Variants in PTPRQ observed in about 807,000 individuals in gnomAD.
The protein encoded by PTPRQ is protein tyrosine phosphatase receptor type Q.
PTPRQ carries 199 observed loss-of-function variants against 246.0 expected under a neutral mutation model. The ratio of observed to expected loss-of-function variants is 0.81; its 90% CI spans 0.72 to 0.91. The LOEUF (loss-of-function observed/expected upper bound fraction) is 0.91, where lower values mean the gene tolerates loss of function less well. Among genes scored for constraint, PTPRQ ranks in the 40% least tolerant of loss-of-function variants. The pLI is 0.00. For synonymous variants in PTPRQ, 869 were observed against 853.2 expected (o/e 1.02, Z -0.32); for missense variants, 2,624 against 2,528.4 (o/e 1.04, Z -0.81).
chr12:80,613,607 C>G lies in PTPRQ; in HGVS notation c.4934C>G (p.Pro1645Arg). The G allele has an allele frequency of 6.5e-7, 1 of 1,539,848 alleles. No individual in the cohort carries two copies. The highest frequency in any genetic ancestry group is 8.8e-7 in the Non-Finnish European group (1 of 1,140,488). Residue 1645 changes from proline (P) to arginine (R), a missense_variant, in exon 29 of 45, where the codon CCT becomes CGT. Physicochemically the swap from Pro to Arg is moderately radical, Grantham distance 103 (BLOSUM62 -2). Transcript: ENST00000644991. ...TTTATTTTAGCCCCAAAGGACCCACCTAACAACATGACATTTCAGAAGATA... is the reference window on the plus strand; with the variant it reads ...TTTATTTTAGCCCCAAAGGACCCACGTAACAACATGACATTTCAGAAGATA... Reference protein sequence around the residue: ...TTLESAPKDPPNNMTFQKIPD... With the variant: ...TTLESAPKDPRNNMTFQKIPD...
At chr12:80,505,355 CAG>C (rs1214676688) in intron 14 of PTPRQ, among the ~76,000 whole-genome samples, 1 of 151,852 alleles carries the variant, frequency 6.6e-6, no homozygotes, top group Non-Finnish European at 1.5e-5. Flanking sequence ...TAATGTTATA[CAG>C]AGTTTTAGTT....
intron 35 of PTPRQ, among the ~76,000 whole-genome samples, chr12:80,635,832 A>G (rs1381300950): frequency 2.0e-5 from 3 of 152,172 alleles, no homozygotes; most frequent in Non-Finnish European, 4.4e-5. Context: ...ATTCAATAAC[A>G]TGTAATGCTT....
At chr12:80,629,152 G>GCACACACA (rs35680769) in intron 33 of PTPRQ, among the ~76,000 whole-genome samples, 5 of 146,104 alleles carry the variant, frequency 3.4e-5, no homozygotes, top group Non-Finnish European at 6.1e-5. Flanking sequence ...GGAGTGAGTG[G>GCACACACA]CACACACACA....
intron 6 of PTPRQ, among the ~76,000 whole-genome samples, chr12:80,463,199 C>T (rs1471909052): frequency 6.6e-6 from 1 of 152,118 alleles, no homozygotes; most frequent in Non-Finnish European, 1.5e-5. Context: ...AAAGCCAAGG[C>T]ACGAGAACTA....
intron 6 of PTPRQ, among the ~76,000 whole-genome samples, chr12:80,464,096 C>A (rs1003974660): frequency 6.6e-6 from 1 of 151,626 alleles, no homozygotes; most frequent in Non-Finnish European, 1.5e-5. Flanking sequence ...GAGTCAAGAC[C>A]CATCAGTGTG....
intron 3 of PTPRQ, among the ~76,000 whole-genome samples, chr12:80,449,643 C>T (rs1402578411): frequency 2.6e-5 from 4 of 151,838 alleles, no homozygotes; most frequent in African/African-American, 9.7e-5. Context: ...ATCCCTTCCC[C>T]ATTGCTTGTT....
chr12:80,652,771 T>C lies in PTPRQ; in HGVS notation c.6052T>C (p.Ser2018Pro), dbSNP rs536004172. The change falls in exon 38 of 45, where the codon TCT becomes CCT. Residue 2018 changes from serine (S) to proline (P), a missense_variant. Coordinates refer to ENST00000644991, the MANE Select transcript of PTPRQ (RefSeq NM_001145026.2). ...SELPKFLQDLSSTDADLPWNR... is the reference protein window; with the variant it reads ...SELPKFLQDLPSTDADLPWNR... ...ATTACCAAAATTTCTTCAGGATCTT[T>C]CTTCAACTGATGCTGATCTGCCTTG... is the stretch of plus-strand genomic sequence containing the variant. 1.1e-5 allele frequency: 17 copies of C among 1,507,942 alleles called. No homozygotes were observed. The African/African-American group carries it at 1.8e-4, about 16-fold the overall frequency. 93.4% of individuals were successfully genotyped at this position (1,507,942 alleles called of 1,614,324 possible). A position where few individuals can be genotyped will look rare whatever the true frequency, so the allele number is the denominator to read the frequency against.
intron 8 of PTPRQ, among the ~76,000 whole-genome samples, chr12:80,481,472 G>C (rs11519745): frequency 0.18 from 26,738 of 152,044 alleles, 2,536 homozygotes; most frequent in Middle Eastern, 0.24. Flanking sequence ...CACAAGACAG[G>C]GATGCCCCCT....
chr12:80,652,685 A>G (rs1900294411), intron 37 of PTPRQ, 59 bp from the exon 38 acceptor site: 1 of 1,423,514 alleles, frequency 7.0e-7, no homozygotes, highest in Non-Finnish European at 9.2e-7. Context: ...TCTTTTAATA[A>G]GTGAAATTTC....
intron 33 of PTPRQ, among the ~76,000 whole-genome samples, chr12:80,631,381 A>G (rs1003572302): frequency 1.3e-5 from 2 of 152,070 alleles, no homozygotes; most frequent in African/African-American, 4.8e-5. Context: ...AAAAATCAGT[A>G]TTTTTGTTAT....
chr12:80,577,060 T>C (rs1179041479), intron 25 of PTPRQ, among the ~76,000 whole-genome samples: 2 of 152,246 alleles, frequency 1.3e-5, no homozygotes, highest in African/African-American at 4.8e-5. Context: ...AGATAAACTA[T>C]GTAAAATCAA....
At chr12:80,478,232 G>C (rs1459362030) in intron 8 of PTPRQ, among the ~76,000 whole-genome samples, 5 of 150,478 alleles carry the variant, frequency 3.3e-5, no homozygotes, top group Admixed American at 6.6e-5. Flanking sequence ...CCTGACCCCC[G>C]AGCAGCCTAA....
chr12:80,480,772 AGAAG>A (rs1565734687), intron 8 of PTPRQ, among the ~76,000 whole-genome samples: 1 of 152,252 alleles, frequency 6.6e-6, no homozygotes, highest in Non-Finnish European at 1.5e-5. Context: ...TAGAAAATCT[AGAAG>A]GAATGAATAA....
intron 25 of PTPRQ, among the ~76,000 whole-genome samples, chr12:80,573,174 A>T (rs1386494335): frequency 6.6e-6 from 1 of 152,036 alleles, no homozygotes; most frequent in Non-Finnish European, 1.5e-5. Flanking sequence ...ATATAGAACT[A>T]CTCATACTTT....
At chr12:80,639,236 A>G (rs745604232) in intron 35 of PTPRQ, among the ~76,000 whole-genome samples, 2 of 152,214 alleles carry the variant, frequency 1.3e-5, no homozygotes, top group Non-Finnish European at 2.9e-5. Flanking sequence ...TAAAAATGCT[A>G]TTTGCTAAAT....
At position 80,622,160 on chromosome 12, in the gene PTPRQ, T is replaced by TA. The variant is rs201163191; in HGVS notation, c.5686+28dup. 1,651 of 1,362,964 alleles carry TA rather than the reference T, an allele frequency of 1.2e-3. 24 individuals carry two copies. In the African/African-American group the frequency reaches 0.022, roughly 18 times the overall value. 84.4% of individuals were successfully genotyped at this position (1,362,964 alleles called of 1,614,324 possible). ...GTAAGACATTTTTGTAATTCATTTA[T>TA]AATCTCAACATATTTATCAAAGTTG... On this transcript the variant is annotated intron_variant, in intron 33 of 44. Transcript: ENST00000644991.
chr12:80,672,070 T>C (rs1293071398), intron 42 of PTPRQ, among the ~76,000 whole-genome samples: 1 of 152,040 alleles, frequency 6.6e-6, no homozygotes, highest in East Asian at 1.9e-4. Context: ...AGAGAAATTT[T>C]GTCTGCTGAC....
At chr12:80,563,629 T>G (rs1896892737) in intron 25 of PTPRQ, among the ~76,000 whole-genome samples, 1 of 152,194 alleles carries the variant, frequency 6.6e-6, no homozygotes, top group East Asian at 1.9e-4. Flanking sequence ...GGTTTCCAAC[T>G]TGGGCTTTGT....
intron 19 of PTPRQ, among the ~76,000 whole-genome samples, chr12:80,537,829 G>A (rs1896032959): frequency 6.6e-6 from 1 of 152,142 alleles, no homozygotes; most frequent in Admixed American, 6.5e-5. Context: ...TGTTAAATGG[G>A]CCGGGTGTGG....
Sources: allele counts gnomAD v4.1 joint callset (sites outside exome capture counted in the v4.1 genomes callset), GRCh38; gene constraint gnomAD v4.1.1; transcripts MANE v1.5; gene names NCBI Gene and HGNC (gene_info 2026-07-23, HGNC 2026-07-21).